CDH18: variants seen among roughly 807,000 people sequenced by gnomAD.
CDH18 encodes cadherin-18.
A neutral mutation model predicts 67.9 loss-of-function variants in CDH18; 31 were observed. The ratio of observed to expected loss-of-function variants is 0.46; its 90% CI spans 0.34 to 0.62. The LOEUF (loss-of-function observed/expected upper bound fraction) is 0.62. Ranked by LOEUF, CDH18 falls within the 20% of genes least tolerant of loss-of-function variation. The pLI is 0.01. For missense variants in CDH18, 890 were observed against 975.5 expected, an observed-to-expected ratio of 0.91 and a Z score of 1.17; for synonymous variants, 362 against 347.2, an observed-to-expected ratio of 1.04 and a Z score of -0.48.
chr5:20,331,085 G>T (rs1739126802), intron 1 of CDH18, among the ~76,000 whole-genome samples: 3 of 152,138 alleles, frequency 2.0e-5, no homozygotes, highest in Non-Finnish European at 4.4e-5. Context: ...TTGCATTTGA[G>T]CTAGAGATAA....
chr5:20,025,624 A>C (rs1561725252), intron 2 of CDH18, among the ~76,000 whole-genome samples: 1 of 152,202 alleles, frequency 6.6e-6, no homozygotes, highest in Non-Finnish European at 1.5e-5. Context: ...AACCCTGACC[A>C]GTTTGTGTTG....
intron 3 of CDH18, among the ~76,000 whole-genome samples, chr5:19,781,067 GATTT>G: frequency 6.6e-6 from 1 of 152,152 alleles, no homozygotes; most frequent in East Asian, 1.9e-4. Flanking sequence ...CGTAAGGCCA[GATTT>G]ATTTCCATAA....
chr5:19,661,740 T>A (rs890620579), intron 5 of CDH18, among the ~76,000 whole-genome samples: 11 of 152,022 alleles, frequency 7.2e-5, no homozygotes, highest in African/African-American at 2.7e-4. Context: ...TGAGAAAAAC[T>A]CTACAGGGAA....
chr5:20,282,009 CTGTT>C (rs1266511820), intron 1 of CDH18, among the ~76,000 whole-genome samples: 12 of 152,186 alleles, frequency 7.9e-5, no homozygotes, highest in African/African-American at 2.4e-4. Flanking sequence ...ATTTGGCTCT[CTGTT>C]TGTCTGTTAT....
intron 1 of CDH18, among the ~76,000 whole-genome samples, chr5:20,517,455 T>C (rs1755448384): frequency 6.6e-6 from 1 of 151,844 alleles, no homozygotes; most frequent in African/African-American, 2.4e-5. Context: ...AAACAAATAT[T>C]ATTTTCAATT....
chr5:20,401,560 A>G (rs1015959601), intron 1 of CDH18, among the ~76,000 whole-genome samples: 3 of 152,154 alleles, frequency 2.0e-5, no homozygotes, highest in Non-Finnish European at 4.4e-5. Flanking sequence ...CTCACCTTCA[A>G]AACCACATTC....
At chr5:20,477,860 G>A (rs1752545358) in intron 1 of CDH18, among the ~76,000 whole-genome samples, 1 of 152,130 alleles carries the variant, frequency 6.6e-6, no homozygotes, top group African/African-American at 2.4e-5. Context: ...TTCTGCTGGA[G>A]GAGAGGAGAG....
chr5:19,624,507 GA>G (rs1561491997), intron 5 of CDH18, among the ~76,000 whole-genome samples: 1 of 152,142 alleles, frequency 6.6e-6, no homozygotes, highest in Non-Finnish European at 1.5e-5. Context: ...TAAGATTTCA[GA>G]GATATGTATA....
chr5:20,574,447 G>A (rs1759004812), intron 1 of CDH18, among the ~76,000 whole-genome samples: 1 of 151,862 alleles, frequency 6.6e-6, no homozygotes, highest in African/African-American at 2.4e-5. Context: ...AGGACAGTCA[G>A]AGCAATTCTC....
At chr5:19,868,273 C>T (rs1202254296) in intron 2 of CDH18, among the ~76,000 whole-genome samples, 2 of 151,924 alleles carry the variant, frequency 1.3e-5, no homozygotes, top group Non-Finnish European at 2.9e-5. Context: ...TTCACCACCA[C>T]CCCCTATCTC....
At chr5:20,429,829 A>G (rs1378675180) in intron 1 of CDH18, among the ~76,000 whole-genome samples, 1 of 152,200 alleles carries the variant, frequency 6.6e-6, no homozygotes, top group Non-Finnish European at 1.5e-5. Context: ...ACTCCACTCT[A>G]ATTCCAAACA....
At chr5:19,933,590 C>A (rs562754982) in intron 2 of CDH18, among the ~76,000 whole-genome samples, 1 of 151,436 alleles carries the variant, frequency 6.6e-6, no homozygotes, top group Non-Finnish European at 1.5e-5. Context: ...CAGTATTTTG[C>A]CATCATAACT....
At chr5:19,922,390 AC>A (rs1467569950) in intron 2 of CDH18, among the ~76,000 whole-genome samples, 3 of 152,350 alleles carry the variant, frequency 2.0e-5, no homozygotes, top group Admixed American at 2.0e-4. Context: ...CAAAATGTTC[AC>A]AAATGTTAAA....
chr5:19,732,846 C>T (rs1767800313), intron 4 of CDH18, among the ~76,000 whole-genome samples: 2 of 152,038 alleles, frequency 1.3e-5, no homozygotes, highest in South Asian at 4.1e-4. Context: ...AATATTTGAT[C>T]CATGCATACT....
chr5:20,324,194 AT>A (rs1738316804), intron 1 of CDH18, among the ~76,000 whole-genome samples: 1 of 152,150 alleles, frequency 6.6e-6, no homozygotes, highest in Admixed American at 6.5e-5. Context: ...TGGATTTTGT[AT>A]TTTTAGAATA....
At chr5:20,126,725 C>T (rs1226832353) in intron 2 of CDH18, among the ~76,000 whole-genome samples, 1 of 152,030 alleles carries the variant, frequency 6.6e-6, no homozygotes, top group Non-Finnish European at 1.5e-5. Context: ...GATTTAACAT[C>T]ACTAGTCATT....
At chr5:20,187,327 C>CA (rs981900883) in intron 2 of CDH18, among the ~76,000 whole-genome samples, 3 of 151,292 alleles carry the variant, frequency 2.0e-5, no homozygotes, top group Non-Finnish European at 3.0e-5. Context: ...TAATATTAGG[C>CA]AAAAAAATGT....
intron 1 of CDH18, among the ~76,000 whole-genome samples, chr5:20,320,991 C>T (rs916850691): frequency 1.3e-5 from 2 of 152,128 alleles, no homozygotes; most frequent in Non-Finnish European, 2.9e-5. Context: ...AAAACTCACT[C>T]CTTCCTGTAT....
intron 2 of CDH18, among the ~76,000 whole-genome samples, chr5:20,029,823 T>G (rs1044483994): frequency 5.3e-5 from 8 of 152,186 alleles, no homozygotes; most frequent in African/African-American, 1.7e-4. Context: ...GTCCTATATA[T>G]AAGAAGCAAA....
Sources: allele counts gnomAD v4.1 joint callset (sites outside exome capture counted in the v4.1 genomes callset), GRCh38; gene constraint gnomAD v4.1.1; transcripts MANE v1.5; gene names NCBI Gene and HGNC (gene_info 2026-07-23, HGNC 2026-07-21).